The following GPHN variants were observed in gnomAD, a reference collection of about 807,000 sequenced individuals.
GPHN encodes gephyrin.
In GPHN, 17 loss-of-function variants were observed where a neutral mutation model predicts 95.5. The observed-to-expected ratio is 0.18, with a 90% CI of 0.12 to 0.27. The LOEUF is 0.27. Ranked by LOEUF, GPHN falls within the 10% of genes least tolerant of loss-of-function variation. The pLI is 1.00. For synonymous variants in GPHN, 320 were observed against 322.5 expected, an observed-to-expected ratio of 0.99 and a Z score of 0.08; for missense variants, 660 against 978.1, an observed-to-expected ratio of 0.67 and a Z score of 4.34.
intron 15 of GPHN, among the ~76,000 whole-genome samples, chr14:67,112,547 C>T (rs1567348742): frequency 6.6e-6 from 1 of 152,132 alleles, no homozygotes; most frequent in Non-Finnish European, 1.5e-5. Flanking sequence ...CTAAGTGGTC[C>T]ATATGGAAAT....
the GPHN span, among the ~76,000 whole-genome samples, chr14:67,260,832 C>T: frequency 6.6e-5 from 10 of 151,996 alleles, no homozygotes; most frequent in African/African-American, 1.7e-4. Context: ...TGGGAAATTG[C>T]AGGGCTCATA....
At position 66,629,148 on chromosome 14, in the gene GPHN, C is replaced by T. The variant is rs1325134605; in HGVS notation, c.65-51959C>T. On this transcript the variant is annotated intron_variant, in intron 1 of 22. Transcript: ENST00000478722. ...ATGTATATAAATATATATTTATATA[C>T]ATATATAAATATGTATATAAATATA... is the stretch of plus-strand genomic sequence containing the variant. Among the ~76,000 whole-genome samples, 12 of 112,762 alleles carry T rather than the reference C, an allele frequency of 1.1e-4. 1 individual carries two copies. Among genetic ancestry groups the T allele is most frequent in the Non-Finnish European group, 1.6e-4 (9 of 56,262 alleles). The allele number at this position is 112,762 out of a possible 152,430, so 74.0% of individuals were successfully genotyped here.
intron 2 of GPHN, among the ~76,000 whole-genome samples, chr14:66,757,416 T>C (rs908239017): frequency 1.1e-4 from 16 of 152,154 alleles, no homozygotes; most frequent in African/African-American, 2.9e-4. Flanking sequence ...TTGAGACCAA[T>C]TCTCACTCTG....
the GPHN span, chr14:67,471,039 G>A: frequency 6.6e-6 from 1 of 152,242 alleles, no homozygotes; most frequent in African/African-American, 2.4e-5. Flanking sequence ...GCCATGGGTT[G>A]TTGCCTTCCT....
At chr14:67,479,403 T>C in the GPHN span, among the ~76,000 whole-genome samples, 1 of 134,282 alleles carries the variant, frequency 7.4e-6, no homozygotes, top group African/African-American at 3.2e-5. Flanking sequence ...AGAGCAAGAC[T>C]CTGTCTCAAA....
chr14:67,320,457 C>T, the GPHN span: 1 of 1,443,804 alleles, frequency 6.9e-7, no homozygotes, highest in Non-Finnish European at 9.2e-7. Context: ...CAGAACCTAA[C>T]TATATCATGT....
chr14:66,780,593 T>TA (rs1293787541), intron 3 of GPHN, among the ~76,000 whole-genome samples: 5 of 152,060 alleles, frequency 3.3e-5, no homozygotes, highest in East Asian at 1.9e-4. Flanking sequence ...AGATTCCTTT[T>TA]AAAAAAAGCA....
At chr14:66,894,723 A>G (rs2064735579) in intron 5 of GPHN, among the ~76,000 whole-genome samples, 1 of 152,244 alleles carries the variant, frequency 6.6e-6, no homozygotes. Flanking sequence ...TTCTCAAAAG[A>G]AGACATTTAT....
chr14:66,791,648 C>A (rs1202879925), intron 3 of GPHN, among the ~76,000 whole-genome samples: 1 of 152,184 alleles, frequency 6.6e-6, no homozygotes, highest in Non-Finnish European at 1.5e-5. Flanking sequence ...TTTTAGCATG[C>A]TAATGCATTA....
chr14:66,972,406 G>C (rs1211754980), intron 9 of GPHN, among the ~76,000 whole-genome samples: 1 of 151,720 alleles, frequency 6.6e-6, no homozygotes, highest in African/African-American at 2.4e-5. Context: ...ATCTAAGTCT[G>C]AATAATAATA....
the GPHN span, chr14:67,320,498 A>C: frequency 8.8e-7 from 1 of 1,130,946 alleles, no homozygotes; most frequent in Non-Finnish European, 1.2e-6. Flanking sequence ...TCATTAAAAC[A>C]CTGTTGTCAG....
At chr14:66,932,467 T>G (rs1242398830) in intron 8 of GPHN, among the ~76,000 whole-genome samples, 2 of 136,410 alleles carry the variant, frequency 1.5e-5, no homozygotes, top group African/African-American at 5.5e-5. Flanking sequence ...TTTTTTTTTT[T>G]TTTTTTTTTT....
At chr14:66,641,169 C>A (rs1019708652) in intron 1 of GPHN, among the ~76,000 whole-genome samples, 2 of 152,120 alleles carry the variant, frequency 1.3e-5, no homozygotes, top group Non-Finnish European at 2.9e-5. Flanking sequence ...GTTCAACTTA[C>A]AATTGTTTGA....
intron 17 of GPHN, among the ~76,000 whole-genome samples, chr14:67,137,234 C>T (rs2080140929): frequency 6.6e-6 from 1 of 151,498 alleles, no homozygotes; most frequent in South Asian, 2.1e-4. Flanking sequence ...CAGGCTCCAC[C>T]TCCCAGGTTC....
chr14:67,490,409 C>T, the GPHN span, among the ~76,000 whole-genome samples: 28,371 of 152,134 alleles, frequency 0.19, 2,982 homozygotes, highest in African/African-American at 0.27. Context: ...ACAGACTGTT[C>T]CAGGCATCAG....
At chr14:67,646,836 C>T in the GPHN span, 1 of 1,399,120 alleles carries the variant, frequency 7.1e-7, no homozygotes, top group South Asian at 1.2e-5. Flanking sequence ...CAGGTCACTA[C>T]AACAAACCCA....
At chr14:67,052,978 C>T (rs1376456282) in intron 10 of GPHN, among the ~76,000 whole-genome samples, 2 of 151,622 alleles carry the variant, frequency 1.3e-5, no homozygotes, top group Admixed American at 6.6e-5. Flanking sequence ...GCACTAAATG[C>T]CCACATCAGA....
At chr14:67,298,357 TA>T in the GPHN span, among the ~76,000 whole-genome samples, 1 of 151,456 alleles carries the variant, frequency 6.6e-6, no homozygotes, top group South Asian at 2.1e-4. Flanking sequence ...CTACTAAAAA[TA>T]AAAAAAACTA....
the GPHN span, chr14:67,294,604 G>A: frequency 6.6e-6 from 1 of 151,786 alleles, no homozygotes; most frequent in East Asian, 1.9e-4. Flanking sequence ...CAAATTTTAA[G>A]GTCTAGATTA....
Sources: allele counts gnomAD v4.1 joint callset (sites outside exome capture counted in the v4.1 genomes callset), GRCh38; gene constraint gnomAD v4.1.1; transcripts MANE v1.5; gene names NCBI Gene and HGNC (gene_info 2026-07-23, HGNC 2026-07-21).